Variants in PTPRS observed in about 807,000 individuals in gnomAD.
PTPRS encodes the protein receptor-type tyrosine-protein phosphatase S.
A neutral mutation model predicts 215.3 loss-of-function variants in PTPRS; 63 were observed. The observed-to-expected ratio is 0.29, with a 90% CI of 0.24 to 0.36. The LOEUF (loss-of-function observed/expected upper bound fraction) is 0.36, where lower values mean the gene tolerates loss of function less well. Ranked by LOEUF, PTPRS falls within the 10% of genes least tolerant of loss-of-function variation. PTPRS has a pLI of 1.00. For synonymous variants in PTPRS, 1,404 were observed against 1,191.4 expected, an observed-to-expected ratio of 1.18 and a Z score of -3.68; for missense variants, 2,258 against 2,825.8, an observed-to-expected ratio of 0.80 and a Z score of 4.56.
At chr19:5,303,456 C>T (rs1406766631) in intron 1 of PTPRS, among the ~76,000 whole-genome samples, 1 of 152,166 alleles carries the variant, frequency 6.6e-6, no homozygotes, top group Admixed American at 6.5e-5. Flanking sequence ...CAGATCAAGG[C>T]AGATAACCTC....
At chr19:5,220,454 T>C (rs1001372090) in intron 20 of PTPRS, 101 bp from the exon 21 acceptor site, 56 of 984,252 alleles carry the variant, frequency 5.7e-5, no homozygotes, top group Middle Eastern at 4.2e-4. Flanking sequence ...GAGTCTTCCC[T>C]TCTGTTCATA....
intron 1 of PTPRS, among the ~76,000 whole-genome samples, chr19:5,326,921 C>A (rs1324792701): frequency 6.6e-6 from 1 of 152,252 alleles, no homozygotes; most frequent in East Asian, 1.9e-4. Context: ...CAGCAAAACA[C>A]CAGATATAGA....
At chr19:5,271,368 T>C (rs1007264925) in intron 4 of PTPRS, among the ~76,000 whole-genome samples, 3 of 152,102 alleles carry the variant, frequency 2.0e-5, no homozygotes, top group Non-Finnish European at 4.4e-5. Flanking sequence ...AATTACCCCT[T>C]GTGGTGAGAA....
chr19:5,212,852 A>AC (rs1160437333), intron 30 of PTPRS, among the ~76,000 whole-genome samples: 1 of 150,728 alleles, frequency 6.6e-6, no homozygotes, highest in Non-Finnish European at 1.5e-5. Context: ...CAAAAAAAAA[A>AC]ACACCCATGT....
chr19:5,212,835 T>C (rs1241762232), intron 30 of PTPRS, among the ~76,000 whole-genome samples: 2 of 120,570 alleles, frequency 1.7e-5, no homozygotes, highest in African/African-American at 3.4e-5. Flanking sequence ...AGAGTGAAAC[T>C]CCATCTCAAA....
rs2045943259 is a variant in PTPRS at position 5,260,900 on chromosome 19, G to A, written c.578-78C>T. Reference sequence around the variant, plus strand: ...GGCCGGGGGGCCCCAGGGAAGCTGGGCTGGGCCGTAAGCCAGGCCTCAGCA... The same window carrying A: ...GGCCGGGGGGCCCCAGGGAAGCTGGACTGGGCCGTAAGCCAGGCCTCAGCA... On this transcript the variant is annotated intron_variant, in intron 6 of 37. Transcript: ENST00000262963. 1.2e-5 allele frequency: 18 copies of A among 1,535,344 alleles called. No homozygotes were observed. In the South Asian group the frequency reaches 2.1e-4, roughly 18 times the overall value.
chr19:5,240,444 TG>T, intron 11 of PTPRS, 112 bp from the exon 12 acceptor site: 1 of 1,139,642 alleles, frequency 8.8e-7, no homozygotes, highest in East Asian at 3.0e-5. Flanking sequence ...GCTTCTAGAA[TG>T]TTCTTTTATT....
chr19:5,317,766 G>A (rs149662431), intron 1 of PTPRS, among the ~76,000 whole-genome samples: 3 of 152,294 alleles, frequency 2.0e-5, no homozygotes, highest in African/African-American at 7.2e-5. Context: ...GGGGCCAGGT[G>A]CAGTGGTTCA....
rs140383630 is a variant in PTPRS, at chr19:5,274,298, C to T, written c.138G>A (p.Ser46=). Residue 46 remains serine (S), a synonymous_variant, in exon 3 of 38, where the codon TCG becomes TCA. Transcript: ENST00000262963. ...GACACACGAAAGAGGCCACACCCCC[C>T]GACACGCCGATCTGGTCCTTGGGTT... ...IKEPKDQIGV[S]GGVASFVCQA... is the part of the protein sequence containing the mutation. 2.9e-5 allele frequency: 47 copies of T among 1,613,792 alleles called. No homozygotes were observed. The East Asian group carries it at 6.2e-4, about 21-fold the overall frequency.
At chr19:5,227,938 ACCC>A in intron 16 of PTPRS, among the ~76,000 whole-genome samples, 1 of 151,656 alleles carries the variant, frequency 6.6e-6, no homozygotes, top group Non-Finnish European at 1.5e-5. Context: ...GCACACACGC[ACCC>A]CCCCAAGCAC....
At chr19:5,284,344 A>C (rs947264555) in intron 2 of PTPRS, among the ~76,000 whole-genome samples, 2 of 151,572 alleles carry the variant, frequency 1.3e-5, no homozygotes, top group Admixed American at 1.3e-4. Flanking sequence ...TGGGCGACAG[A>C]GTGAGACTCT....
chr19:5,267,215 CG>C (rs376209369), intron 4 of PTPRS, among the ~76,000 whole-genome samples: 1,079 of 106,056 alleles, frequency 0.01, 15 homozygotes, highest in African/African-American at 0.035. Context: ...GATGTGGGGG[CG>C]GGGGGGAGCG....
At chr19:5,229,229 G>A (rs2042788510) in intron 16 of PTPRS, 87 bp downstream of exon 16, 3 of 1,280,104 alleles carry the variant, frequency 2.3e-6, no homozygotes, top group South Asian at 5.9e-5. Context: ...TTTTACTACT[G>A]ATGATAAGGG....
In PTPRS at chr19:5,208,087, CA is replaced by C; in HGVS notation, c.5643-31del. The C allele has an allele frequency of 1.9e-6, 3 of 1,602,936 alleles. No homozygotes were observed. The East Asian group carries it at 6.7e-5, about 36-fold the overall frequency. Reference sequence around the variant, plus strand: ...TGGCAGTAAAGTGAGCACAGCCATTCAGGGGCAGGTGCTGGGGAGCCCTGAT... The same window carrying C: ...TGGCAGTAAAGTGAGCACAGCCATTCGGGGCAGGTGCTGGGGAGCCCTGAT... On this transcript the variant is annotated intron_variant, in intron 36 of 37. Transcript: ENST00000262963.
chr19:5,275,634 C>T (rs766347073), intron 2 of PTPRS, among the ~76,000 whole-genome samples: 7 of 152,014 alleles, frequency 4.6e-5, no homozygotes, highest in Non-Finnish European at 7.4e-5. Flanking sequence ...GGTGAAACCC[C>T]GTCTCTACTA....
At chr19:5,219,831 C>A in intron 22 of PTPRS, 108 bp downstream of exon 22, 1 of 1,275,384 alleles carries the variant, frequency 7.8e-7, no homozygotes, top group Non-Finnish European at 1.1e-6. Flanking sequence ...CCAGCTCTGA[C>A]CACAGGGAGC....
In PTPRS at chr19:5,265,550, C is replaced by T. The variant is rs1422316996; in HGVS notation, c.380-354G>A. Among the ~76,000 whole-genome samples the T allele has an allele frequency of 2.0e-5, 3 of 152,118 alleles. No homozygotes were observed. The East Asian group carries it at 5.8e-4, about 29-fold the overall frequency. ...AGAGAGGGGGTCTCGCTGTGTTGTC[C>T]AGGCGGGTCTCAAACTCCTGGCCCC... On this transcript the variant is annotated intron_variant, in intron 4 of 37. Coordinates refer to ENST00000262963, the MANE Select transcript of PTPRS (RefSeq NM_002850.4).
intron 33 of PTPRS, among the ~76,000 whole-genome samples, chr19:5,211,031 G>A (rs2040826714): frequency 6.6e-6 from 1 of 152,210 alleles, no homozygotes; most frequent in South Asian, 2.1e-4. Context: ...TGACAAAGCT[G>A]CGGGACTATC....
At chr19:5,222,514 C>T (rs375084140) in intron 18 of PTPRS, among the ~76,000 whole-genome samples, 175 bp downstream of exon 18, 50 of 151,720 alleles carry the variant, frequency 3.3e-4, no homozygotes, top group Admixed American at 7.2e-4. Context: ...GTGGTGCCAC[C>T]GAGGCACGTC....
Sources: allele counts gnomAD v4.1 joint callset (sites outside exome capture counted in the v4.1 genomes callset), GRCh38; gene constraint gnomAD v4.1.1; transcripts MANE v1.5; gene names NCBI Gene and HGNC (gene_info 2026-07-23, HGNC 2026-07-21).